The following EPS15 variants were observed in gnomAD, a reference collection of about 807,000 sequenced individuals.
EPS15 encodes epidermal growth factor receptor substrate 15.
In EPS15, 72 loss-of-function variants were observed where a neutral mutation model predicts 113.8. That is an observed-to-expected ratio of 0.63 (90% confidence interval 0.52 to 0.77). The LOEUF (loss-of-function observed/expected upper bound fraction) is 0.77, where lower values mean the gene tolerates loss of function less well. Ranked by LOEUF, EPS15 falls within the 30% of genes least tolerant of loss-of-function variation. The pLI, the probability that EPS15 is intolerant of heterozygous loss-of-function variation, is 0.00. For synonymous variants in EPS15, 344 were observed against 363.4 expected (o/e 0.95, Z 0.61); for missense variants, 1,048 against 1,045.8 (o/e 1.00, Z -0.03).
At position 51,405,917 on chromosome 1, in the gene EPS15, G is replaced by A; in HGVS notation, c.1665C>T (p.His555=). The A allele has an allele frequency of 6.2e-7, 1 of 1,613,958 alleles. No homozygotes were observed. Among genetic ancestry groups the A allele is most frequent in the Non-Finnish European group, 8.5e-7 (1 of 1,179,858 alleles). The part of the protein sequence containing the change: ...GQSNLESEPI[H]QESPARSSPE... The stretch of plus-strand genomic sequence containing the variant: ...GTATTAGACTCACTGGAGATTCCTG[G>A]TGTATGGGCTCAGACTCTAGGTTGC... Residue 555 remains histidine, a synonymous_variant, in exon 16 of 25, where the codon CAC becomes CAT. Coordinates refer to ENST00000371733, the MANE Select transcript of EPS15 (RefSeq NM_001981.3).
intron 2 of EPS15, among the ~76,000 whole-genome samples, chr1:51,477,065 T>C (rs371857517): frequency 1.3e-5 from 2 of 152,260 alleles, no homozygotes; most frequent in African/African-American, 4.8e-5. Context: ...TAGAATTCGG[T>C]TGTGAATCCA....
At chr1:51,388,262 T>C (rs1262545200) in intron 21 of EPS15, among the ~76,000 whole-genome samples, 13 of 152,194 alleles carry the variant, frequency 8.5e-5, no homozygotes, top group Admixed American at 7.9e-4. Flanking sequence ...AAGATCTTCT[T>C]TGAAACCAAC....
At chr1:51,515,759 G>A (rs1644704475) in intron 1 of EPS15, among the ~76,000 whole-genome samples, 1 of 152,234 alleles carries the variant, frequency 6.6e-6, no homozygotes, top group Admixed American at 6.5e-5. Context: ...GGGAGCGTTG[G>A]ATAGGCCAAG....
intron 24 of EPS15, 127 bp from the exon 25 acceptor site, chr1:51,356,973 C>CTT: frequency 4.8e-6 from 3 of 626,770 alleles, no homozygotes; most frequent in Non-Finnish European, 5.1e-6. Flanking sequence ...CTTGTTAATT[C>CTT]TTTTTTTTTT....
Position 51,432,006 on chromosome 1 carries a change from G to C in EPS15, c.1040+8341C>G, listed in dbSNP as rs1371736956. On this transcript the variant is annotated intron_variant, in intron 12 of 24. Transcript: ENST00000371733. ...ATTATTACCATTACATTGTTTACTA[G>C]TATAAAAATACATTTACTGGCTTTT... Among the ~76,000 whole-genome samples, 3 of 152,196 alleles carry C rather than the reference G, an allele frequency of 2.0e-5. No individual in the cohort carries two copies. In the East Asian group the frequency reaches 5.8e-4, roughly 29 times the overall value.
chr1:51,394,108 A>G, intron 21 of EPS15: 1 of 220,614 alleles, frequency 4.5e-6, no homozygotes, highest in Admixed American at 5.7e-5. Context: ...CAAGCAACAC[A>G]GCATTTTATA....
intron 1 of EPS15, among the ~76,000 whole-genome samples, chr1:51,494,067 T>C (rs560027770): frequency 6.6e-6 from 1 of 152,324 alleles, no homozygotes; most frequent in Non-Finnish European, 1.5e-5. Context: ...ATTTCAATTA[T>C]CAATTTGCAC....
In EPS15 at chr1:51,463,661, A is replaced by G; in HGVS notation, c.501+12T>C. ...ACATAAAAATTACATTTCGGAGTAA[A>G]TAATATCTTACTCTTCCAAGGATAT... On this transcript the variant is annotated intron_variant, in intron 7 of 24. Transcript: ENST00000371733. 6.5e-7 allele frequency: 1 copy of G among 1,535,590 alleles called. No homozygotes were observed. Among genetic ancestry groups the G allele is most frequent in the South Asian group, 1.2e-5 (1 of 85,414 alleles).
At chr1:51,432,699 A>T (rs1486628615) in intron 12 of EPS15, among the ~76,000 whole-genome samples, 1 of 152,176 alleles carries the variant, frequency 6.6e-6, no homozygotes, top group East Asian at 1.9e-4. Context: ...AGTGGCTACT[A>T]TACTGGACAG....
Position 51,361,206 on chromosome 1 carries a change from CTT to C in EPS15, c.2507_2508del (p.Lys836ArgfsTer3), listed in dbSNP as rs770865304. ...TTGGCAAAATTGCTTGGATCAGCCT[CTT>C]TATTGGTAGTGGTAGTAGCAGAAGT... ...PFTSATTTTN[K>X]EADPSNFANF... On this transcript the variant is annotated frameshift_variant, in exon 24 of 25. Transcript: ENST00000371733. LOFTEE classifies it high-confidence loss of function. The C allele has an allele frequency of 6.2e-7, 1 of 1,614,000 alleles. No homozygotes were observed. Among genetic ancestry groups the C allele is most frequent in the South Asian group, 1.1e-5 (1 of 91,070 alleles).
rs914861720 is a variant in EPS15 at position 51,417,800 on chromosome 1, AAGG to A, written c.1113+3983_1113+3985del. 4.0e-4 allele frequency among the ~76,000 whole-genome samples: 61 copies of A among 152,354 alleles called. No homozygotes were observed. The South Asian group carries it at 4.3e-3, about 11-fold the overall frequency. On this transcript the variant is annotated intron_variant, in intron 13 of 24. Transcript: ENST00000371733. The stretch of plus-strand genomic sequence containing the variant: ...CAAAAGTTATAAAAGTGGGAATAAG[AAGG>A]AGAATATATATGGCACAGAGTACAG...
intron 8 of EPS15, among the ~76,000 whole-genome samples, chr1:51,455,496 A>G (rs1475269): frequency 0.043 from 6,501 of 152,216 alleles, 210 homozygotes; most frequent in Middle Eastern, 0.11. Context: ...AGGCTGAGGC[A>G]CAAGAACAGA....
intron 12 of EPS15, among the ~76,000 whole-genome samples, chr1:51,427,192 T>C (rs549666419): frequency 5.9e-5 from 9 of 152,324 alleles, no homozygotes; most frequent in South Asian, 2.1e-4. Context: ...ACAAACTCTT[T>C]ATAAGCTCTA....
chr1:51,385,358 A>G (rs1396730451), intron 21 of EPS15, among the ~76,000 whole-genome samples: 4 of 152,220 alleles, frequency 2.6e-5, no homozygotes, highest in Non-Finnish European at 5.9e-5. Flanking sequence ...AATCAAAGCA[A>G]TAAGATACCA....
intron 24 of EPS15, among the ~76,000 whole-genome samples, chr1:51,359,173 C>T (rs978677944): frequency 3.9e-5 from 6 of 151,900 alleles, no homozygotes; most frequent in South Asian, 2.1e-4. Context: ...GGGCTGGATG[C>T]GGTGGCTCAC....
chr1:51,500,991 A>T lies in EPS15; in HGVS notation c.33+18208T>A, dbSNP rs904208681. Among the ~76,000 whole-genome samples the T allele has an allele frequency of 2.8e-5, 4 of 143,146 alleles. No individual in the cohort carries two copies. The East Asian group carries it at 7.8e-4, about 28-fold the overall frequency. 93.9% of individuals were successfully genotyped at this position (143,146 alleles called of 152,430 possible). ...AAGAGTAAAACTCCATCTCAAAAAA[A>T]AAAAATAAAGAAAGAAAATTGACAA... On this transcript the variant is annotated intron_variant, in intron 1 of 24. Coordinates refer to ENST00000371733, the MANE Select transcript of EPS15 (RefSeq NM_001981.3).
chr1:51,441,461 T>C (rs1652590473), intron 11 of EPS15, among the ~76,000 whole-genome samples: 1 of 152,054 alleles, frequency 6.6e-6, no homozygotes, highest in Non-Finnish European at 1.5e-5. Flanking sequence ...ATAATTACCA[T>C]CTGGAAATGT....
intron 10 of EPS15, among the ~76,000 whole-genome samples, chr1:51,446,439 C>T (rs981955173): frequency 1.3e-5 from 2 of 150,522 alleles, no homozygotes; most frequent in African/African-American, 4.9e-5. Flanking sequence ...TAACAATTAA[C>T]TGACACTGTC....
intron 1 of EPS15, among the ~76,000 whole-genome samples, chr1:51,516,004 C>CT (rs140135600): frequency 3.9e-4 from 58 of 147,694 alleles, no homozygotes; most frequent in South Asian, 8.5e-4. Flanking sequence ...CTATTGGAAA[C>CT]TTTTTTTTTT....
Sources: gnomAD v4.1 joint callset for allele counts (sites outside exome capture counted in the v4.1 genomes callset) on GRCh38, gnomAD v4.1.1 for gene constraint, MANE v1.5 for transcripts, NCBI Gene and HGNC (gene_info 2026-07-23, HGNC 2026-07-21) for gene names.